TMEM65: variants seen among roughly 807,000 people sequenced by gnomAD.
The protein encoded by TMEM65 is transmembrane protein 65.
A neutral mutation model predicts 25.4 loss-of-function variants in TMEM65; 22 were observed. The ratio of observed to expected loss-of-function variants is 0.86; its 90% CI spans 0.62 to 1.23. The LOEUF (loss-of-function observed/expected upper bound fraction) is 1.23. Among genes scored for constraint, TMEM65 ranks in the 50% most tolerant of loss-of-function variants. The probability of loss-of-function intolerance (pLI) is 0.00; values close to 1 mark genes in which losing one functional copy is unlikely to be tolerated. For missense variants in TMEM65, 262 were observed against 308.2 expected, an observed-to-expected ratio of 0.85 and a Z score of 1.12; for synonymous variants, 132 against 126.2, an observed-to-expected ratio of 1.05 and a Z score of -0.31.
intron 1 of TMEM65, among the ~76,000 whole-genome samples, chr8:124,331,434 ATT>A (rs1814431088): frequency 8.1e-6 from 1 of 123,198 alleles, no homozygotes; most frequent in Admixed American, 7.6e-5. Context: ...ATAACTGAAT[ATT>A]TTAACTTTTG....
chr8:124,368,226 G>A (rs1814966633), intron 1 of TMEM65, among the ~76,000 whole-genome samples: 1 of 142,632 alleles, frequency 7.0e-6, no homozygotes, highest in South Asian at 2.2e-4. Context: ...TTCGAAGACT[G>A]CGTTTTAAAA....
chr8:124,331,141 G>C (rs1266365486), intron 1 of TMEM65, among the ~76,000 whole-genome samples: 11 of 151,432 alleles, frequency 7.3e-5, no homozygotes, highest in African/African-American at 2.7e-4. Context: ...TAGAAATAAA[G>C]GTACTCTTCT....
chr8:124,330,270 G>C (rs1318918377), intron 2 of TMEM65, among the ~76,000 whole-genome samples: 3 of 151,784 alleles, frequency 2.0e-5, no homozygotes, highest in African/African-American at 7.2e-5. Flanking sequence ...ATAGAGAAAA[G>C]AAAGAACACT....
Position 124,322,038 on chromosome 8 carries a change from A to G in TMEM65, c.515+67T>C. Reference sequence around the variant, plus strand: ...TATTCTTTTGTTATGCTTCTCAATTAAAGAAGAGTGGGGAACAGAAAGACA... The same window carrying G: ...TATTCTTTTGTTATGCTTCTCAATTGAAGAAGAGTGGGGAACAGAAAGACA... On this transcript the variant is annotated intron_variant, in intron 5 of 6. Transcript: ENST00000297632. 3.6e-6 allele frequency: 4 copies of G among 1,097,912 alleles called. No individual in the cohort carries two copies. In the South Asian group the frequency reaches 6.3e-5, roughly 17 times the overall value. The allele number at this position is 1,097,912 out of a possible 1,614,324, so 68.0% of individuals were successfully genotyped here. A position where few individuals can be genotyped will look rare whatever the true frequency, so the allele number is the denominator to read the frequency against.
chr8:124,330,667 T>C, intron 2 of TMEM65, 81 bp downstream of exon 2: 2 of 1,334,664 alleles, frequency 1.5e-6, no homozygotes, highest in Non-Finnish European at 2.1e-6. Flanking sequence ...TACTGACTCT[T>C]CTGTGCTATC....
In TMEM65 at chr8:124,356,123, C is replaced by A. The variant is rs1444806307; in HGVS notation, c.304+15731G>T. Among the ~76,000 whole-genome samples the A allele has an allele frequency of 2.0e-5, 3 of 152,104 alleles. No homozygotes were observed. The East Asian group carries it at 5.8e-4, about 29-fold the overall frequency. The stretch of plus-strand genomic sequence containing the variant: ...GTCAATCCTTAATCTGAGCGGTGAA[C>A]CAATTAAACCTTTTTTTAATAAATT... On this transcript the variant is annotated intron_variant, in intron 1 of 6. Coordinates refer to ENST00000297632, the MANE Select transcript of TMEM65 (RefSeq NM_194291.3).
chr8:124,306,261 T>C lies in TMEM65; in HGVS notation c.*7699A>G, dbSNP rs1255631552. 6.6e-6 allele frequency: 1 copy of C among 152,222 alleles called. No individual in the cohort carries two copies. Among genetic ancestry groups the C allele is most frequent in the Non-Finnish European group, 1.5e-5 (1 of 68,038 alleles). The allele number at this position is 152,222 out of a possible 1,614,324, so 9.4% of individuals were successfully genotyped here. A position where few individuals can be genotyped will look rare whatever the true frequency, so the allele number is the denominator to read the frequency against. On this transcript the variant is annotated 3_prime_UTR_variant, in exon 7 of 7. Coordinates refer to ENST00000297632, the MANE Select transcript of TMEM65 (RefSeq NM_194291.3). ...GAGTATTTGTTTCTTTGGTAGTTGG[T>C]AGACAAAGAATACATATACATATTC...
intron 2 of TMEM65, among the ~76,000 whole-genome samples, chr8:124,328,447 AT>A (rs1814394213): frequency 6.6e-6 from 1 of 151,946 alleles, no homozygotes; most frequent in Non-Finnish European, 1.5e-5. Context: ...ATACCTACAT[AT>A]TTTTTATACA....
At chr8:124,322,028 C>G in intron 5 of TMEM65, 77 bp downstream of exon 5, 1 of 1,012,862 alleles carries the variant, frequency 9.9e-7, no homozygotes, top group Non-Finnish European at 1.5e-6. Context: ...TTTTGTTATG[C>G]TTCTCAATTA....
chr8:124,357,955 G>C (rs1444034137), intron 1 of TMEM65, among the ~76,000 whole-genome samples: 1 of 148,986 alleles, frequency 6.7e-6, no homozygotes, highest in Non-Finnish European at 1.5e-5. Context: ...TCAGCCTCCT[G>C]AGTAGCTTGG....
chr8:124,336,909 A>G (rs1814515153), intron 1 of TMEM65, among the ~76,000 whole-genome samples: 1 of 151,922 alleles, frequency 6.6e-6, no homozygotes. Flanking sequence ...AAAGAGAATA[A>G]GAATTACTCA....
intron 1 of TMEM65, among the ~76,000 whole-genome samples, chr8:124,339,222 A>AAATATATAT (rs1563594368): frequency 6.0e-4 from 12 of 19,916 alleles, no homozygotes; most frequent in African/African-American, 7.9e-4. Context: ...AAAAAAAAAA[A>AAATATATAT]ATATATATAT....
chr8:124,366,703 C>T (rs1586476474), intron 1 of TMEM65, among the ~76,000 whole-genome samples: 1 of 141,068 alleles, frequency 7.1e-6, no homozygotes, highest in East Asian at 2.1e-4. Context: ...GCATATATGC[C>T]TTTCATAATG....
In TMEM65 at chr8:124,349,099, G is replaced by A. The variant is rs947399976; in HGVS notation, c.305-18307C>T. 2.6e-5 allele frequency among the ~76,000 whole-genome samples: 4 copies of A among 152,138 alleles called. No homozygotes were observed. The South Asian group carries it at 8.3e-4, about 31-fold the overall frequency. ...TGACTTACTCAAAGACACACAGCTAGGTCCAGAACTCAGATTCTCATTTTC... is the reference window on the plus strand; with the variant it reads ...TGACTTACTCAAAGACACACAGCTAAGTCCAGAACTCAGATTCTCATTTTC... On this transcript the variant is annotated intron_variant, in intron 1 of 6. Transcript: ENST00000297632.
chr8:124,339,198 A>G (rs1401935321), intron 1 of TMEM65, among the ~76,000 whole-genome samples: 1 of 51,048 alleles, frequency 2.0e-5, no homozygotes, highest in Non-Finnish European at 2.9e-5. Flanking sequence ...TCTCAAAAAA[A>G]AAAAAAAAAA....
chr8:124,357,469 A>AG (rs1353090490), intron 1 of TMEM65, among the ~76,000 whole-genome samples: 1 of 152,234 alleles, frequency 6.6e-6, no homozygotes, highest in Non-Finnish European at 1.5e-5. Context: ...ACTAAAGGTT[A>AG]GAGATTTATG....
chr8:124,314,112 A>G, intron 6 of TMEM65, 51 bp from the exon 7 acceptor site: 3 of 1,438,376 alleles, frequency 2.1e-6, no homozygotes, highest in Non-Finnish European at 2.9e-6. Flanking sequence ...TCTGATAACA[A>G]GAAGGCAGAG....
intron 1 of TMEM65, among the ~76,000 whole-genome samples, chr8:124,343,495 C>T (rs1462395005): frequency 6.6e-6 from 1 of 152,174 alleles, no homozygotes; most frequent in East Asian, 1.9e-4. Context: ...AGAATGACTG[C>T]CCTTGAATTC....
chr8:124,331,803 A>C lies in TMEM65; in HGVS notation c.305-1011T>G, dbSNP rs78934681. Among the ~76,000 whole-genome samples, 1,235 of 152,142 alleles carry C rather than the reference A, an allele frequency of 8.1e-3. 17 individuals carry two copies. The highest frequency in any genetic ancestry group is 0.028 in the African/African-American group (1,153 of 41,568). On this transcript the variant is annotated intron_variant, in intron 1 of 6. Coordinates refer to ENST00000297632, the MANE Select transcript of TMEM65 (RefSeq NM_194291.3). ...AAGAAACGCATTACAAACTAGATGT[A>C]CATCTTCAAAAATATTTATTTATAT... is the stretch of plus-strand genomic sequence containing the variant.
Sources: allele counts gnomAD v4.1 joint callset (sites outside exome capture counted in the v4.1 genomes callset), GRCh38; gene constraint gnomAD v4.1.1; transcripts MANE v1.5; gene names NCBI Gene and HGNC (gene_info 2026-07-23, HGNC 2026-07-21).